MNDA: variants seen among roughly 807,000 people sequenced by gnomAD.
MNDA encodes the protein myeloid cell nuclear differentiation antigen, also known as epididymis secretory sperm binding protein.
In MNDA, 43 loss-of-function variants were observed where a neutral mutation model predicts 37.8. The ratio of observed to expected loss-of-function variants is 1.14; its 90% confidence interval spans 0.89 to 1.47. The LOEUF is 1.47. Ranked by LOEUF, MNDA falls within the 40% of genes most tolerant of loss-of-function variation. MNDA has a pLI of 0.00. For missense variants in MNDA, 536 were observed against 476.0 expected, an observed-to-expected ratio of 1.13 and a Z score of -1.17; for synonymous variants, 181 against 169.0, an observed-to-expected ratio of 1.07 and a Z score of -0.55.
intron 5 of MNDA, among the ~76,000 whole-genome samples, chr1:158,847,213 A>G (rs1016125728): frequency 2.0e-5 from 3 of 152,194 alleles, no homozygotes; most frequent in African/African-American, 7.2e-5. Flanking sequence ...TACAATGTAC[A>G]CTACTTGGGT....
chr1:158,842,023 C>T (rs186128872), intron 1 of MNDA, 111 bp from the exon 2 acceptor site: 240 of 828,466 alleles, frequency 2.9e-4, no homozygotes, highest in Admixed American at 4.8e-4. Context: ...TTTTCTTATA[C>T]GCATCCAAGG....
rs1279035471 is a variant in MNDA, at chr1:158,842,337, C to T, written c.184C>T (p.Leu62=). ...AAAAAAGTTCCAAGGCGTTGCCTGTCTAGACAAACTAATAGAACTTGCCAA... is the reference window on the plus strand; with the variant it reads ...AAAAAAGTTCCAAGGCGTTGCCTGTTTAGACAAACTAATAGAACTTGCCAA... ...MEKKFQGVAC[L]DKLIELAKDM... is the part of the protein sequence containing the mutation. The change falls in exon 2 of 7, where the codon CTA becomes TTA. Residue 62 remains leucine, a synonymous_variant. Transcript: ENST00000368141. 6.2e-7 allele frequency: 1 copy of T among 1,613,974 alleles called. No homozygotes were observed. The highest frequency in any genetic ancestry group is 1.3e-5 in the African/African-American group (1 of 74,924).
intron 1 of MNDA, among the ~76,000 whole-genome samples, chr1:158,839,221 G>C (rs1362976717): frequency 1.3e-5 from 2 of 152,090 alleles, no homozygotes; most frequent in East Asian, 3.9e-4. Flanking sequence ...CATATTCAGG[G>C]GAGGACTTTC....
chr1:158,839,831 G>T (rs767191516), intron 1 of MNDA, among the ~76,000 whole-genome samples: 1 of 152,116 alleles, frequency 6.6e-6, no homozygotes, highest in Admixed American at 6.6e-5. Context: ...TTCATAAATT[G>T]TTCTTTATTT....
At chr1:158,838,053 T>C (rs1446083136) in intron 1 of MNDA, among the ~76,000 whole-genome samples, 1 of 151,966 alleles carries the variant, frequency 6.6e-6, no homozygotes, top group Non-Finnish European at 1.5e-5. Flanking sequence ...TATGTACCAA[T>C]TAACATTGAT....
At chr1:158,843,519 T>C in intron 3 of MNDA, 104 bp downstream of exon 3, 1 of 1,209,036 alleles carries the variant, frequency 8.3e-7, no homozygotes, top group Non-Finnish European at 1.1e-6. Context: ...TTTACCAAAT[T>C]AGTAATTATG....
At chr1:158,834,231 ATT>A (rs58502272) in intron 1 of MNDA, among the ~76,000 whole-genome samples, 6 of 130,240 alleles carry the variant, frequency 4.6e-5, no homozygotes, top group Non-Finnish European at 8.0e-5. Flanking sequence ...TCCTTTATCA[ATT>A]TTTTTTTTTT....
chr1:158,839,712 G>A (rs1658991797), intron 1 of MNDA, among the ~76,000 whole-genome samples: 1 of 152,118 alleles, frequency 6.6e-6, no homozygotes, highest in Admixed American at 6.5e-5. Flanking sequence ...GTTAAACAGG[G>A]ACAAAGAAAA....
chr1:158,836,029 T>C (rs1306300091), intron 1 of MNDA, among the ~76,000 whole-genome samples: 1 of 151,982 alleles, frequency 6.6e-6, no homozygotes, highest in Non-Finnish European at 1.5e-5. Context: ...ATTAAGAGTG[T>C]TAATTGATTG....
Position 158,843,392 on chromosome 1 carries a change from A to G in MNDA, c.379A>G (p.Arg127Gly). Residue 127 changes from arginine to glycine, a missense_variant, in exon 3 of 7, where the codon AGA becomes GGA. By Grantham distance (125) the Arg-to-Gly change is moderately radical. Transcript: ENST00000368141. Reference protein sequence around the residue: ...TARNKLTSEARGRIPVAQKRK... With the variant: ...TARNKLTSEAGGRIPVAQKRK... ...AAGAAACAAACTGACATCGGAAGCA[A>G]GAGGGAGGATTCCTGTAGCTCAGGT... 6.2e-7 allele frequency: 1 copy of G among 1,610,684 alleles called. No individual in the cohort carries two copies. The highest frequency in any genetic ancestry group is 1.3e-5 in the African/African-American group (1 of 74,834).
At chr1:158,845,237 T>C (rs1028881060) in intron 4 of MNDA, among the ~76,000 whole-genome samples, 1 of 151,934 alleles carries the variant, frequency 6.6e-6, no homozygotes, top group Non-Finnish European at 1.5e-5. Context: ...TTTGTTTGTT[T>C]GTTTGTTTGT....
At chr1:158,840,481 G>A (rs1281910988) in intron 1 of MNDA, among the ~76,000 whole-genome samples, 1 of 152,070 alleles carries the variant, frequency 6.6e-6, no homozygotes, top group African/African-American at 2.4e-5. Context: ...GATATTTCAA[G>A]ATGAGATTTG....
chr1:158,843,375 A>G lies in MNDA; in HGVS notation c.362A>G (p.Lys121Arg), dbSNP rs1323565262. 6.2e-7 allele frequency: 1 copy of G among 1,612,526 alleles called. No individual in the cohort carries two copies. Among genetic ancestry groups the G allele is most frequent in the East Asian group, 2.2e-5 (1 of 44,796 alleles). ...GCACCTGCACCCACCGCAAGAAACA[A>G]ACTGACATCGGAAGCAAGAGGGAGG... is the stretch of plus-strand genomic sequence containing the variant. ...LAAPAPTARN[K>R]LTSEARGRIP... The change falls in exon 3 of 7, where the codon AAA becomes AGA. Residue 121 changes from lysine (K) to arginine (R), a missense_variant. Transcript: ENST00000368141.
chr1:158,834,183 C>T (rs1658861540), intron 1 of MNDA, among the ~76,000 whole-genome samples: 2 of 151,274 alleles, frequency 1.3e-5, no homozygotes, highest in African/African-American at 4.8e-5. Flanking sequence ...TGCTTATTGG[C>T]CATTTGTATA....
At chr1:158,839,022 TA>T (rs1206202233) in intron 1 of MNDA, among the ~76,000 whole-genome samples, 4 of 152,332 alleles carry the variant, frequency 2.6e-5, no homozygotes, top group African/African-American at 9.6e-5. Context: ...TTAACTCATT[TA>T]TCATATTTAA....
chr1:158,837,851 GTTC>G (rs944006781), intron 1 of MNDA, among the ~76,000 whole-genome samples: 3 of 138,824 alleles, frequency 2.2e-5, no homozygotes, highest in African/African-American at 5.2e-5. Flanking sequence ...ACATTTTTAT[GTTC>G]TTCTATTCCT....
In MNDA at chr1:158,849,279, CAATT is replaced by C. The variant is rs755945134; in HGVS notation, c.*45_*48del. 1.9e-6 allele frequency: 3 copies of C among 1,545,922 alleles called. No individual in the cohort carries two copies. The highest frequency in any genetic ancestry group is 1.4e-5 in the African/African-American group (1 of 73,128). ...TGCAACAAACAACTTCCGCTTAAAA[CAATT>C]AAGTTGTTAATAACTGTGATTTTGT... On this transcript the variant is annotated 3_prime_UTR_variant, in exon 7 of 7. Coordinates refer to ENST00000368141, the MANE Select transcript of MNDA (RefSeq NM_002432.3).
intron 1 of MNDA, among the ~76,000 whole-genome samples, chr1:158,834,338 T>C (rs576226088): frequency 6.6e-6 from 1 of 150,872 alleles, no homozygotes; most frequent in Admixed American, 6.6e-5. Context: ...GTTCACGCCA[T>C]TCTCCTGCCT....
intron 1 of MNDA, among the ~76,000 whole-genome samples, chr1:158,831,967 A>G (rs934076673): frequency 1.3e-5 from 2 of 152,194 alleles, no homozygotes; most frequent in Non-Finnish European, 2.9e-5. Flanking sequence ...TCTCTATTAT[A>G]TGATTTTATC....
Sources: gnomAD v4.1 joint callset for allele counts (sites outside exome capture counted in the v4.1 genomes callset) on GRCh38, gnomAD v4.1.1 for gene constraint, MANE v1.5 for transcripts, NCBI Gene and HGNC (gene_info 2026-07-23, HGNC 2026-07-21) for gene names.